The following TBXAS1 variants were observed in gnomAD, a reference collection of about 807,000 sequenced individuals.
TBXAS1 encodes thromboxane A synthase 1, also known as thromboxane-A synthase.
A neutral mutation model predicts 60.7 loss-of-function variants in TBXAS1; 48 were observed. The observed-to-expected ratio is 0.79, with a 90% CI of 0.63 to 1.01. The LOEUF is 1.01. Among genes scored for constraint, TBXAS1 ranks in the 50% least tolerant of loss-of-function variants. TBXAS1 has a pLI of 0.00. For missense variants in TBXAS1, 685 were observed against 686.3 expected, an observed-to-expected ratio of 1.00 and a Z score of 0.02; for synonymous variants, 287 against 269.7, an observed-to-expected ratio of 1.06 and a Z score of -0.63.
At chr7:139,906,220 T>C (rs1342452328) in intron 3 of TBXAS1, 2 of 195,442 alleles carry the variant, frequency 1.0e-5, no homozygotes, top group Non-Finnish European at 2.2e-5. Context: ...CATGCCCAGA[T>C]AGTTATTTGT....
At chr7:139,879,904 CAG>C (rs1569506597) in intron 3 of TBXAS1, among the ~76,000 whole-genome samples, 3 of 148,466 alleles carry the variant, frequency 2.0e-5, no homozygotes, top group African/African-American at 7.5e-5. Context: ...CCTTTTGAGG[CAG>C]AGTCTTGCTC....
intron 1 of TBXAS1, among the ~76,000 whole-genome samples, chr7:139,842,200 T>C (rs1019804414): frequency 7.2e-5 from 11 of 152,156 alleles, no homozygotes; most frequent in African/African-American, 2.7e-4. Flanking sequence ...TCATACCTTC[T>C]CTCGTCTAGT....
chr7:139,893,144 T>G (rs975086391), intron 3 of TBXAS1, among the ~76,000 whole-genome samples: 1 of 152,196 alleles, frequency 6.6e-6, no homozygotes, highest in Non-Finnish European at 1.5e-5. Flanking sequence ...TACCTAGTCC[T>G]GGACAGCACA....
rs1798284824 is a variant in TBXAS1, at chr7:139,821,174, G to A, written c.-79-8138G>A. On this transcript the variant is annotated intron_variant, in intron 4 of 16. Transcript: ENST00000336425. ...AGGATGATCCCAAGTTTCTGGCTTG[G>A]GGCTGAAGGGAGGAAGGTACAATTT... Among the ~76,000 whole-genome samples the A allele has an allele frequency of 2.0e-5, 3 of 152,314 alleles. No individual in the cohort carries two copies. The South Asian group carries it at 6.2e-4, about 32-fold the overall frequency.
rs758246838 is a variant in TBXAS1 at position 139,896,586 on chromosome 7, C to T, written c.237-14639C>T. 2.0e-5 allele frequency among the ~76,000 whole-genome samples: 3 copies of T among 152,176 alleles called. No individual in the cohort carries two copies. The highest frequency in any genetic ancestry group is 4.4e-5 in the Non-Finnish European group (3 of 68,026). ...CATCTGTCAGGCACTGTAGGAACTG[C>T]TTTCAGTTTATGTGTATTATTTCTT... On this transcript the variant is annotated intron_variant, in intron 3 of 12. Transcript: ENST00000448866. This position sits in a 1 kb window ranked among gnomAD's most constrained non-coding sequence, Gnocchi z 4.0.
At chr7:139,964,502 G>A (rs1165281650) in intron 9 of TBXAS1, among the ~76,000 whole-genome samples, 1 of 152,180 alleles carries the variant, frequency 6.6e-6, no homozygotes, top group Non-Finnish European at 1.5e-5. Context: ...TGAGAACTTG[G>A]GAAGGTGACT....
chr7:139,952,751 GC>G, intron 5 of TBXAS1: 2 of 1,454,170 alleles, frequency 1.4e-6, no homozygotes, highest in Non-Finnish European at 1.8e-6. Context: ...CCCAACAATT[GC>G]CCCATGTGGG....
At chr7:139,818,230 C>G (rs999272249) in intron 4 of TBXAS1, among the ~76,000 whole-genome samples, 1 of 152,076 alleles carries the variant, frequency 6.6e-6, no homozygotes, top group Non-Finnish European at 1.5e-5. Context: ...TGAAAATGCA[C>G]AGAAAGGAGC....
At chr7:139,851,732 A>C (rs1309929672) in intron 1 of TBXAS1, among the ~76,000 whole-genome samples, 1 of 152,242 alleles carries the variant, frequency 6.6e-6, no homozygotes, top group Non-Finnish European at 1.5e-5. Flanking sequence ...TGATACACTC[A>C]AGGTGAAACT....
chr7:139,828,364 A>C (rs554697119), upstream of TBXAS1, among the ~76,000 whole-genome samples: 298 of 152,276 alleles, frequency 2.0e-3, no homozygotes, highest in African/African-American at 6.8e-3. Flanking sequence ...ATTTCATTGA[A>C]TATTTCTCCC....
chr7:139,836,683 TA>T (rs1466849254), intron 1 of TBXAS1, among the ~76,000 whole-genome samples: 2 of 152,210 alleles, frequency 1.3e-5, no homozygotes, highest in African/African-American at 4.8e-5. Flanking sequence ...GTTAAAGACT[TA>T]AACCTAAGAC....
chr7:140,015,939 G>C, intron 11 of TBXAS1, 79 bp downstream of exon 11: 1 of 1,599,704 alleles, frequency 6.3e-7, no homozygotes, highest in Non-Finnish European at 8.5e-7. Flanking sequence ...GGCAGCAGCC[G>C]GGAGGCACAG....
At chr7:139,828,355 T>G (rs967141915), upstream of TBXAS1, among the ~76,000 whole-genome samples, 2 of 152,348 alleles carry the variant, frequency 1.3e-5, no homozygotes, top group African/African-American at 4.8e-5. Context: ...CTTTAAGCTA[T>G]TTCATTGAAT....
At chr7:139,799,366 G>C (rs935530679) in intron 4 of TBXAS1, among the ~76,000 whole-genome samples, 1 of 151,924 alleles carries the variant, frequency 6.6e-6, no homozygotes, top group African/African-American at 2.4e-5. Flanking sequence ...CAAGTAGCTG[G>C]GACTATAGGC....
intron 4 of TBXAS1, among the ~76,000 whole-genome samples, chr7:139,822,875 T>C (rs1182498305): frequency 2.0e-5 from 3 of 152,080 alleles, no homozygotes; most frequent in African/African-American, 7.2e-5. Context: ...GTAGAAAGCA[T>C]CCAATCTGCC....
intron 7 of TBXAS1, among the ~76,000 whole-genome samples, chr7:139,955,917 G>C (rs531001171): frequency 7.2e-5 from 11 of 152,170 alleles, no homozygotes; most frequent in Non-Finnish European, 1.6e-4. Context: ...CTCACCCTAT[G>C]AGAAAAATAT....
chr7:139,839,871 C>A (rs1053232341), intron 1 of TBXAS1, among the ~76,000 whole-genome samples: 2 of 149,876 alleles, frequency 1.3e-5, no homozygotes, highest in Non-Finnish European at 3.0e-5. Context: ...GTAGTCCCAG[C>A]TACTTGGGAG....
At chr7:139,931,163 T>G (rs1343176684) in intron 4 of TBXAS1, among the ~76,000 whole-genome samples, 1 of 152,134 alleles carries the variant, frequency 6.6e-6, no homozygotes, top group Admixed American at 6.5e-5. Context: ...TTCCCTGACG[T>G]TAAATGCTCC....
At chr7:139,933,174 T>C (rs1413304897) in intron 4 of TBXAS1, among the ~76,000 whole-genome samples, 2 of 152,168 alleles carry the variant, frequency 1.3e-5, no homozygotes, top group Non-Finnish European at 2.9e-5. Flanking sequence ...GTGAGCACAG[T>C]GTCATGGCAT....
Sources: gnomAD v4.1 joint callset for allele counts (sites outside exome capture counted in the v4.1 genomes callset) on GRCh38, gnomAD v4.1.1 for gene constraint, Gnocchi (gnomAD v3.1) non-coding constraint, MANE v1.5 for transcripts, NCBI Gene and HGNC (gene_info 2026-07-23, HGNC 2026-07-21) for gene names.